The following GRIP1 variants were observed in gnomAD, a reference collection of about 807,000 sequenced individuals.
GRIP1 encodes the protein glutamate receptor-interacting protein 1.
In GRIP1, 45 loss-of-function variants were observed where a neutral mutation model predicts 129.9. That is an observed-to-expected ratio of 0.35 (90% CI 0.27 to 0.44). GRIP1 has a LOEUF of 0.44. Among genes scored for constraint, GRIP1 ranks in the 20% least tolerant of loss-of-function variants. GRIP1 has a pLI of 1.00. For synonymous variants in GRIP1, 530 were observed against 520.8 expected (o/e 1.02, Z -0.24); for missense variants, 1,196 against 1,396.8 (o/e 0.86, Z 2.29).
intron 1 of GRIP1, among the ~76,000 whole-genome samples, chr12:66,749,815 G>C (rs1020208777): frequency 6.6e-6 from 1 of 152,192 alleles, no homozygotes; most frequent in Non-Finnish European, 1.5e-5. Context: ...ATTCCCCGGA[G>C]ATGTCAGAGC....
chr12:66,412,644 A>C (rs1434727603), intron 15 of GRIP1, among the ~76,000 whole-genome samples: 1 of 152,218 alleles, frequency 6.6e-6, no homozygotes, highest in Non-Finnish European at 1.5e-5. Flanking sequence ...ACTAAACTTA[A>C]ATGTAAACAG....
intron 1 of GRIP1, among the ~76,000 whole-genome samples, chr12:67,024,565 T>C (rs768392404): frequency 1.1e-4 from 16 of 152,258 alleles, no homozygotes; most frequent in Non-Finnish European, 2.1e-4. Context: ...GGCCTGCCTA[T>C]GTAATAAAGT....
chr12:66,399,694 G>A (rs531904165), intron 16 of GRIP1, among the ~76,000 whole-genome samples: 1 of 151,830 alleles, frequency 6.6e-6, no homozygotes, highest in Non-Finnish European at 1.5e-5. Flanking sequence ...CTTGAGTGCT[G>A]CCTGTTTAAC....
At chr12:66,452,117 T>C (rs2058825354) in intron 11 of GRIP1, among the ~76,000 whole-genome samples, 1 of 152,232 alleles carries the variant, frequency 6.6e-6, no homozygotes, top group Admixed American at 6.5e-5. Context: ...AGACGGAGTC[T>C]CTACACTGGC....
chr12:66,621,944 T>C (rs1398212478), intron 1 of GRIP1, among the ~76,000 whole-genome samples: 1 of 152,186 alleles, frequency 6.6e-6, no homozygotes, highest in African/African-American at 2.4e-5. Flanking sequence ...TTAGGTTGTT[T>C]GTTTTTGCTT....
chr12:66,715,298 T>G (rs1422351167), intron 1 of GRIP1, among the ~76,000 whole-genome samples: 1 of 152,018 alleles, frequency 6.6e-6, no homozygotes, highest in Non-Finnish European at 1.5e-5. Flanking sequence ...GGAGCCTGTC[T>G]CATGGTCCTG....
At chr12:66,710,043 C>T (rs1287182326) in intron 1 of GRIP1, among the ~76,000 whole-genome samples, 1 of 152,004 alleles carries the variant, frequency 6.6e-6, no homozygotes, top group African/African-American at 2.4e-5. Context: ...TGACCTTTCA[C>T]TGCGGTGATC....
chr12:66,357,978 C>T (rs1336228097), intron 23 of GRIP1, among the ~76,000 whole-genome samples: 2 of 152,168 alleles, frequency 1.3e-5, no homozygotes, highest in African/African-American at 4.8e-5. Flanking sequence ...ATTGAAACCT[C>T]CACCTCCTGG....
chr12:67,061,820 C>A (rs1305225992), intron 1 of GRIP1, among the ~76,000 whole-genome samples: 2 of 152,124 alleles, frequency 1.3e-5, no homozygotes, highest in Non-Finnish European at 2.9e-5. Flanking sequence ...TTATATTATT[C>A]TACCACATTA....
intron 1 of GRIP1, among the ~76,000 whole-genome samples, chr12:66,868,480 C>G (rs907278404): frequency 4.6e-5 from 7 of 151,954 alleles, no homozygotes; most frequent in Admixed American, 2.6e-4. Flanking sequence ...TGTAGCCCCA[C>G]GAACTTAAGA....
At chr12:66,975,423 G>C (rs2042137393) in intron 1 of GRIP1, among the ~76,000 whole-genome samples, 1 of 152,144 alleles carries the variant, frequency 6.6e-6, no homozygotes, top group Non-Finnish European at 1.5e-5. Flanking sequence ...AATTACAAAT[G>C]CAACAAACCT....
At chr12:66,350,152 T>C (rs1352888465) in intron 24 of GRIP1, among the ~76,000 whole-genome samples, 1 of 152,104 alleles carries the variant, frequency 6.6e-6, no homozygotes, top group African/African-American at 2.4e-5. Flanking sequence ...TTTACCATTT[T>C]AACTGCTCGC....
At chr12:67,050,070 T>C (rs2043318070) in intron 1 of GRIP1, among the ~76,000 whole-genome samples, 1 of 147,362 alleles carries the variant, frequency 6.8e-6, no homozygotes. Context: ...ATTCATTCAT[T>C]CAGCAATGAT....
chr12:66,879,917 G>A lies in GRIP1; in HGVS notation c.58+189133C>T, dbSNP rs113839238. ...TGGCCGGCATGTCTAAGGTCCAGAT[G>A]CCAGAGTCAACTGCAGTGTAAGAAA... On this transcript the variant is annotated intron_variant, in intron 1 of 1. Coordinates refer to the GRIP1 transcript ENST00000643019. 4.4e-3 allele frequency among the ~76,000 whole-genome samples: 674 copies of A among 152,224 alleles called. 3 individuals are homozygous for A. Among genetic ancestry groups the A allele is most frequent in the African/African-American group, 0.014 (589 of 41,544 alleles).
chr12:66,388,177 A>C (rs967257744), intron 19 of GRIP1, among the ~76,000 whole-genome samples: 1 of 152,134 alleles, frequency 6.6e-6, no homozygotes, highest in Non-Finnish European at 1.5e-5. Flanking sequence ...TTACTAATCG[A>C]ATCATGGGGA....
rs112819007 is a variant in GRIP1, at chr12:66,492,925, G to A, written c.724+22694C>T. ...CTCAGGAGGGTGAGGCAGGAGAATCGCTTGAACTCGGAAGGCGGAGGTTGC... is the reference window on the plus strand; with the variant it reads ...CTCAGGAGGGTGAGGCAGGAGAATCACTTGAACTCGGAAGGCGGAGGTTGC... On this transcript the variant is annotated intron_variant, in intron 7 of 24. Transcript: ENST00000359742. 9.3e-3 allele frequency among the ~76,000 whole-genome samples: 1,420 copies of A among 152,226 alleles called. 11 individuals carry two copies. The highest frequency in any genetic ancestry group is 0.022 in the Admixed American group (330 of 15,284).
At chr12:66,986,012 T>C (rs571650102) in intron 1 of GRIP1, among the ~76,000 whole-genome samples, 16 of 152,318 alleles carry the variant, frequency 1.1e-4, no homozygotes, top group African/African-American at 3.8e-4. Context: ...TGAGATATGC[T>C]GTTCTCCAGC....
At chr12:66,416,204 A>G (rs1039201570) in intron 15 of GRIP1, among the ~76,000 whole-genome samples, 4 of 152,202 alleles carry the variant, frequency 2.6e-5, no homozygotes, top group Non-Finnish European at 4.4e-5. Flanking sequence ...AAATTTCGTG[A>G]AACAAATGAT....
At chr12:66,418,593 G>GA (rs892585913) in intron 15 of GRIP1, among the ~76,000 whole-genome samples, 46 of 151,980 alleles carry the variant, frequency 3.0e-4, no homozygotes, top group African/African-American at 1.1e-3. Context: ...AAGTCTATAG[G>GA]AAAAAACAAT....
Sources: gnomAD v4.1 joint callset for allele counts (sites outside exome capture counted in the v4.1 genomes callset) on GRCh38, gnomAD v4.1.1 for gene constraint, MANE v1.5 for transcripts, NCBI Gene and HGNC (gene_info 2026-07-23, HGNC 2026-07-21) for gene names.